The following ZNF475 variants were observed in gnomAD, a reference collection of about 807,000 sequenced individuals.
ZNF475 encodes the protein zinc finger protein 475.
chr5:122,179,784 A>G, the ZNF475 span: 1 of 1,251,390 alleles, frequency 8.0e-7, no homozygotes, highest in Non-Finnish European at 1.1e-6. Flanking sequence ...TTCTCTCTAA[A>G]CTAATAAGAG....
the ZNF475 span, among the ~76,000 whole-genome samples, chr5:122,182,302 T>C: frequency 6.6e-6 from 1 of 152,224 alleles, no homozygotes; most frequent in African/African-American, 2.4e-5. Flanking sequence ...CCTTTCTTTT[T>C]TGGAGGCAAA....
At chr5:122,160,695 T>C in the ZNF475 span, among the ~76,000 whole-genome samples, 1 of 152,136 alleles carries the variant, frequency 6.6e-6, no homozygotes, top group African/African-American at 2.4e-5. Flanking sequence ...ATATTATAAA[T>C]TCAAATATTA....
chr5:122,179,118 C>T, the ZNF475 span, among the ~76,000 whole-genome samples: 15 of 152,204 alleles, frequency 9.9e-5, no homozygotes, highest in South Asian at 2.1e-4. Flanking sequence ...GTAGCAGTAC[C>T]GTGCTGTTTT....
At chr5:122,166,381 A>G in the ZNF475 span, among the ~76,000 whole-genome samples, 1 of 152,094 alleles carries the variant, frequency 6.6e-6, no homozygotes, top group Non-Finnish European at 1.5e-5. Flanking sequence ...GTTCTAGGGT[A>G]CATTTGCACA....
the ZNF475 span, chr5:122,182,656 C>T: frequency 6.5e-7 from 1 of 1,527,428 alleles, no homozygotes. Context: ...CCTTTTCTCT[C>T]TACTGAAGTG....
At chr5:122,164,031 T>C in the ZNF475 span, among the ~76,000 whole-genome samples, 1 of 152,178 alleles carries the variant, frequency 6.6e-6, no homozygotes, top group African/African-American at 2.4e-5. Flanking sequence ...ACTCAGTCTT[T>C]CGAGTGAAAA....
chr5:122,181,965 T>A, the ZNF475 span, among the ~76,000 whole-genome samples: 1 of 152,242 alleles, frequency 6.6e-6, no homozygotes, highest in South Asian at 2.1e-4. Flanking sequence ...CATGAAGAGA[T>A]GATAAGTTTT....
the ZNF475 span, chr5:122,179,748 A>G: frequency 6.8e-7 from 1 of 1,478,052 alleles, no homozygotes; most frequent in South Asian, 1.4e-5. Context: ...CCTAGAAAAA[A>G]GATTTGAGTG....
the ZNF475 span, among the ~76,000 whole-genome samples, chr5:122,171,462 T>C: frequency 6.6e-6 from 1 of 152,200 alleles, no homozygotes; most frequent in African/African-American, 2.4e-5. Context: ...TAAATTTAAA[T>C]TACTTGCATT....
the ZNF475 span, among the ~76,000 whole-genome samples, chr5:122,170,954 T>C: frequency 1.3e-5 from 2 of 152,170 alleles, no homozygotes; most frequent in African/African-American, 2.4e-5. Flanking sequence ...ATCACCCCTG[T>C]CACTCAAGAA....
At chr5:122,170,033 T>C in the ZNF475 span, among the ~76,000 whole-genome samples, 1 of 152,252 alleles carries the variant, frequency 6.6e-6, no homozygotes, top group South Asian at 2.1e-4. Flanking sequence ...AGGATTTCAA[T>C]TATGTTTCAT....
chr5:122,182,497 G>T, the ZNF475 span: 17 of 1,464,282 alleles, frequency 1.2e-5, no homozygotes, highest in African/African-American at 2.0e-4. Context: ...CCAGCCAAAG[G>T]CTTCTATGAT....
the ZNF475 span, among the ~76,000 whole-genome samples, chr5:122,166,943 A>T: frequency 6.6e-6 from 1 of 152,162 alleles, no homozygotes; most frequent in East Asian, 1.9e-4. Context: ...CCCATTTGTC[A>T]ATTTTGGCTT....
At chr5:122,181,591 A>C in the ZNF475 span, among the ~76,000 whole-genome samples, 8 of 152,228 alleles carry the variant, frequency 5.3e-5, no homozygotes, top group Non-Finnish European at 1.2e-4. Flanking sequence ...GTGAACCATT[A>C]GATAGAAATC....
chr5:122,175,370 G>T, the ZNF475 span, among the ~76,000 whole-genome samples: 1 of 152,158 alleles, frequency 6.6e-6, no homozygotes, highest in African/African-American at 2.4e-5. Flanking sequence ...CCCCAATGGA[G>T]ACCACACAAT....
chr5:122,182,446 T>C, the ZNF475 span: 1 of 1,418,176 alleles, frequency 7.1e-7, no homozygotes, highest in Non-Finnish European at 9.3e-7. Flanking sequence ...TTTTTGGTAT[T>C]TTTTTTTCTT....
the ZNF475 span, among the ~76,000 whole-genome samples, chr5:122,161,163 T>C: frequency 6.6e-6 from 1 of 152,324 alleles, no homozygotes; most frequent in South Asian, 2.1e-4. Context: ...CTTGTCTCTT[T>C]CTAATATTTA....
chr5:122,178,480 A>G, the ZNF475 span, among the ~76,000 whole-genome samples: 12 of 151,882 alleles, frequency 7.9e-5, no homozygotes, highest in African/African-American at 2.9e-4. Flanking sequence ...TTGATTTCTA[A>G]TGACCAGTGA....
At chr5:122,169,870 C>G in the ZNF475 span, among the ~76,000 whole-genome samples, 4 of 152,064 alleles carry the variant, frequency 2.6e-5, no homozygotes, top group Non-Finnish European at 4.4e-5. Flanking sequence ...TTGACTAATG[C>G]GTTCAGGTGT....
Sources: allele counts gnomAD v4.1 joint callset (sites outside exome capture counted in the v4.1 genomes callset), GRCh38; gene constraint gnomAD v4.1.1; transcripts MANE v1.5; gene names NCBI Gene and HGNC (gene_info 2026-07-23, HGNC 2026-07-21).